ATRX: variants seen among roughly 807,000 people sequenced by gnomAD.
ATRX encodes ATRX chromatin remodeler.
Under a neutral mutation model 172.6 loss-of-function variants are expected in ATRX, and 12 were observed. That is an observed-to-expected ratio of 0.07 (90% CI 0.04 to 0.11). The LOEUF is 0.11. Among genes scored for constraint, ATRX ranks in the 10% least tolerant of loss-of-function variants. The pLI is 1.00. For missense variants in ATRX, 1,368 were observed against 1,767.4 expected, an observed-to-expected ratio of 0.77 and a Z score of 4.05; for synonymous variants, 674 against 594.7, an observed-to-expected ratio of 1.13 and a Z score of -1.94.
chrX:77,785,737 G>C, intron 1 of ATRX: 1 of 700,602 alleles, frequency 1.4e-6, no homozygotes. Flanking sequence ...AGGGGAGATT[G>C]CAAGAAGCGC....
chrX:77,703,196 C>T (rs955004217), intron 2 of ATRX, among the ~76,000 whole-genome samples: 4 of 112,966 alleles, frequency 3.5e-5, no homozygotes, highest in Non-Finnish European at 7.5e-5. Context: ...GAAACATCTG[C>T]GGCTGGTGGC....
In ATRX at chrX:77,720,425, C is replaced by G. The variant is rs1294935705; in HGVS notation, c.21-3182G>C. Among the ~76,000 whole-genome samples, 6 of 110,861 alleles carry G rather than the reference C, an allele frequency of 5.4e-5. No individual in the cohort carries two copies. In the East Asian group the frequency reaches 1.7e-3, roughly 31 times the overall value. ...TTGAGAAGATCAACAAAACAGACCA[C>G]TATCCGGACTAATAAAGAACAAAAG... is the stretch of plus-strand genomic sequence containing the variant. On this transcript the variant is annotated intron_variant, in intron 1 of 34. Transcript: ENST00000373344.
At chrX:77,607,322 A>T (rs781812838) in intron 22 of ATRX, among the ~76,000 whole-genome samples, 18 of 112,622 alleles carry the variant, frequency 1.6e-4, no homozygotes, top group Non-Finnish European at 2.4e-4. Flanking sequence ...ATATACAAAA[A>T]TCATTGGCAT....
chrX:77,543,037 A>G (rs1472226750), intron 30 of ATRX, among the ~76,000 whole-genome samples: 2 of 111,763 alleles, frequency 1.8e-5, no homozygotes, highest in South Asian at 3.7e-4. Flanking sequence ...CCTACAGAAC[A>G]GGAGAAAATT....
chrX:77,638,427 T>C (rs1244174504), intron 15 of ATRX, among the ~76,000 whole-genome samples: 1 of 112,823 alleles, frequency 8.9e-6, no homozygotes, highest in African/African-American at 3.2e-5. Flanking sequence ...GAGCCGTGAT[T>C]GCGCCACTGC....
intron 1 of ATRX, among the ~76,000 whole-genome samples, chrX:77,748,431 G>A (rs1326435586): frequency 9.0e-6 from 1 of 110,925 alleles, no homozygotes; most frequent in Non-Finnish European, 1.9e-5. Context: ...GAACAGGGAA[G>A]TGGGGGAAAT....
At position 77,688,884 on chromosome X, in the gene ATRX, T is replaced by C. The variant is rs2071729558; in HGVS notation, c.528A>G (p.Gln176=). Residue 176 remains glutamine (Q), a synonymous_variant, in exon 7 of 35, where the codon CAA becomes CAG. Transcript: ENST00000373344. ...AATCTTTTTGAAAATGATTGACCTG[T>C]TGTCCACAAGCAGTGCAGCTCACAA... ...HGIVSCTACG[Q]QVNHFQKDSI... is the part of the protein sequence containing the mutation. 8.3e-7 allele frequency: 1 copy of C among 1,211,386 alleles called. No individual in the cohort carries two copies. Among genetic ancestry groups the C allele is most frequent in the South Asian group, 1.8e-5 (1 of 57,023 alleles).
intron 28 of ATRX, among the ~76,000 whole-genome samples, chrX:77,567,759 A>C (rs2065253404): frequency 9.0e-6 from 1 of 111,430 alleles, no homozygotes; most frequent in African/African-American, 3.3e-5. Context: ...CAACAACAGC[A>C]GAGTACATAT....
intron 20 of ATRX, 24 bp from the exon 21 acceptor site, chrX:77,619,005 TAAC>T (rs1342026778): frequency 2.9e-6 from 3 of 1,040,044 alleles, no homozygotes; most frequent in Non-Finnish European, 2.7e-6. Flanking sequence ...CATTATTCAT[TAAC>T]AACATTAACA....
At chrX:77,655,019 G>C (rs782393515) in intron 13 of ATRX, among the ~76,000 whole-genome samples, 1 of 111,493 alleles carries the variant, frequency 9.0e-6, no homozygotes, top group African/African-American at 3.2e-5. Context: ...ATGATGCTAA[G>C]TGAAATAAGC....
At chrX:77,756,352 G>A (rs1557190192) in intron 1 of ATRX, among the ~76,000 whole-genome samples, 1 of 109,469 alleles carries the variant, frequency 9.1e-6, no homozygotes, top group Non-Finnish European at 1.9e-5. Context: ...CCAGGGGAGT[G>A]AATGGGTCTA....
intron 30 of ATRX, 110 bp from the exon 31 acceptor site, chrX:77,523,511 T>C (rs2063295007): frequency 1.3e-6 from 1 of 785,120 alleles, no homozygotes; most frequent in Non-Finnish European, 1.9e-6. Context: ...GATTGCTATA[T>C]ATATTTCTGA....
At chrX:77,607,573 G>C (rs1557091453) in intron 22 of ATRX, among the ~76,000 whole-genome samples, 1 of 109,154 alleles carries the variant, frequency 9.2e-6, no homozygotes, top group African/African-American at 3.3e-5. Flanking sequence ...AATTAGCGGA[G>C]CATGGTGGTG....
chrX:77,614,312 T>G (rs1323173336), intron 22 of ATRX, among the ~76,000 whole-genome samples: 1 of 111,912 alleles, frequency 8.9e-6, no homozygotes, highest in Non-Finnish European at 1.9e-5. Flanking sequence ...CACTTGGCCT[T>G]TTATGAATGT....
chrX:77,768,886 T>C (rs1446954118), intron 1 of ATRX, among the ~76,000 whole-genome samples: 1 of 111,981 alleles, frequency 8.9e-6, no homozygotes, highest in Admixed American at 9.6e-5. Flanking sequence ...ATCTATGTTG[T>C]ATCTATGTAT....
intron 1 of ATRX, among the ~76,000 whole-genome samples, chrX:77,763,153 GT>G (rs782666389): frequency 1.9e-5 from 2 of 107,499 alleles, no homozygotes; most frequent in Admixed American, 1.0e-4. Context: ...TTTGTTTTTT[GT>G]TTTTTTTGGG....
intron 16 of ATRX, among the ~76,000 whole-genome samples, chrX:77,635,097 C>T (rs1007515971): frequency 3.1e-4 from 34 of 111,101 alleles, no homozygotes; most frequent in African/African-American, 1.0e-3. Context: ...GCCTGGCCAA[C>T]ATGGTGAAAC....
At chrX:77,508,722 C>A in intron 34 of ATRX, 93 bp from the exon 35 acceptor site, 1 of 983,599 alleles carries the variant, frequency 1.0e-6, no homozygotes, top group African/African-American at 1.9e-5. Flanking sequence ...TAAGGGGGTA[C>A]CATACCAAAA....
At chrX:77,785,115 T>C (rs925538706) in intron 1 of ATRX, among the ~76,000 whole-genome samples, 6 of 111,489 alleles carry the variant, frequency 5.4e-5, no homozygotes, top group Admixed American at 2.9e-4. Flanking sequence ...ACGTGCTTGA[T>C]TGGTTAAGAG....
Sources: allele counts gnomAD v4.1 joint callset (sites outside exome capture counted in the v4.1 genomes callset), GRCh38; gene constraint gnomAD v4.1.1; transcripts MANE v1.5; gene names NCBI Gene and HGNC (gene_info 2026-07-23, HGNC 2026-07-21).